SCAPER: variants seen among roughly 807,000 people sequenced by gnomAD.
The protein encoded by SCAPER is S phase cyclin A-associated protein in the endoplasmic reticulum.
Under a neutral mutation model 182.2 loss-of-function variants are expected in SCAPER, and 98 were observed. That is an observed-to-expected ratio of 0.54 (90% CI 0.46 to 0.64). SCAPER has a LOEUF of 0.64. SCAPER is among the 30% of genes least tolerant of loss of function. The probability of loss-of-function intolerance (pLI) is 0.00; values close to 1 mark genes in which losing one functional copy is unlikely to be tolerated. For synonymous variants in SCAPER, 605 were observed against 564.6 expected (o/e 1.07, Z -1.01); for missense variants, 1,432 against 1,690.0 (o/e 0.85, Z 2.68).
At chr15:76,662,017 T>C (rs2056218414) in intron 21 of SCAPER, among the ~76,000 whole-genome samples, 1 of 152,168 alleles carries the variant, frequency 6.6e-6, no homozygotes, top group Non-Finnish European at 1.5e-5. Context: ...AGGAATGAGA[T>C]CAGGTCCTTT....
intron 21 of SCAPER, among the ~76,000 whole-genome samples, chr15:76,627,910 T>A (rs1159217069): frequency 1.3e-5 from 2 of 152,320 alleles, no homozygotes; most frequent in East Asian, 3.9e-4. Flanking sequence ...CCACCAACAG[T>A]GTAAAAGCAC....
rs1405891780 is a variant in SCAPER at position 76,800,241 on chromosome 15, A to T, written c.611+7T>A. The stretch of plus-strand genomic sequence containing the variant: ...AGTCTTAGTAGTTTTTTCTTAGTTC[A>T]TCTCACCCAAAATTTAAGCTTCGTC... On this transcript the variant is annotated splice_region_variant and intron_variant, in intron 7 of 31. Coordinates refer to ENST00000563290, the MANE Select transcript of SCAPER (RefSeq NM_020843.4). The T allele has an allele frequency of 6.5e-7, 1 of 1,545,328 alleles. No individual in the cohort carries two copies. Among genetic ancestry groups the T allele is most frequent in the Admixed American group, 1.7e-5 (1 of 58,590 alleles).
intron 15 of SCAPER, among the ~76,000 whole-genome samples, chr15:76,749,556 T>C (rs1200962945): frequency 6.6e-6 from 1 of 151,936 alleles, no homozygotes; most frequent in Non-Finnish European, 1.5e-5. Flanking sequence ...ATAGACCTAA[T>C]AAGTGAGTTT....
chr15:76,705,590 T>TA (rs983987153), intron 18 of SCAPER, among the ~76,000 whole-genome samples: 81 of 148,790 alleles, frequency 5.4e-4, no homozygotes, highest in South Asian at 1.5e-3. Flanking sequence ...TTAGGATGGT[T>TA]AAAAAAAAAC....
rs370242179 is a variant in SCAPER at position 76,689,858 on chromosome 15, C to T, written c.2508+11900G>A. On this transcript the variant is annotated intron_variant, in intron 20 of 31. Coordinates refer to ENST00000563290, the MANE Select transcript of SCAPER (RefSeq NM_020843.4). Reference sequence around the variant, plus strand: ...AAGACACAAAAACTAACTGAAAGAGCTCCTAATCACCAAAGCTGGAACAGT... The same window carrying T: ...AAGACACAAAAACTAACTGAAAGAGTTCCTAATCACCAAAGCTGGAACAGT... Among the ~76,000 whole-genome samples the T allele has an allele frequency of 2.4e-3, 363 of 151,616 alleles. 2 individuals are homozygous for T. Among genetic ancestry groups the T allele is most frequent in the African/African-American group, 8.4e-3 (345 of 41,314 alleles).
intron 22 of SCAPER, among the ~76,000 whole-genome samples, chr15:76,578,902 T>C (rs2145458504): frequency 6.6e-6 from 1 of 152,306 alleles, no homozygotes; most frequent in South Asian, 2.1e-4. Context: ...AGTGACTCTT[T>C]CAGGCAGAGA....
At chr15:76,410,389 C>T (rs915396336) in intron 26 of SCAPER, among the ~76,000 whole-genome samples, 2 of 152,134 alleles carry the variant, frequency 1.3e-5, no homozygotes, top group African/African-American at 2.4e-5. Context: ...TTCTACATTA[C>T]TATGATTAAT....
intron 1 of SCAPER, among the ~76,000 whole-genome samples, chr15:76,899,662 C>T (rs1439485521): frequency 2.0e-5 from 3 of 151,990 alleles, no homozygotes; most frequent in African/African-American, 4.8e-5. Context: ...CTGGCCGCCC[C>T]GTCTGGAAAG....
At position 76,800,234 on chromosome 15, in the gene SCAPER, T is replaced by C. The variant is rs1877050248; in HGVS notation, c.611+14A>G. Reference sequence around the variant, plus strand: ...TAATGCAAGTCTTAGTAGTTTTTTCTTAGTTCATCTCACCCAAAATTTAAG... The same window carrying C: ...TAATGCAAGTCTTAGTAGTTTTTTCCTAGTTCATCTCACCCAAAATTTAAG... On this transcript the variant is annotated intron_variant, in intron 7 of 31. Transcript: ENST00000563290. The C allele has an allele frequency of 1.4e-6, 2 of 1,443,286 alleles. No individual in the cohort carries two copies. Among genetic ancestry groups the C allele is most frequent in the Non-Finnish European group, 1.9e-6 (2 of 1,029,554 alleles). 89.4% of individuals were successfully genotyped at this position (1,443,286 alleles called of 1,614,324 possible).
chr15:76,557,580 G>A (rs1476466571), intron 23 of SCAPER, among the ~76,000 whole-genome samples: 1 of 152,010 alleles, frequency 6.6e-6, no homozygotes, highest in East Asian at 1.9e-4. Context: ...TCTCTCTCTC[G>A]GCTCCTGCTT....
At chr15:76,548,086 T>C (rs992610358) in intron 23 of SCAPER, among the ~76,000 whole-genome samples, 1 of 142,402 alleles carries the variant, frequency 7.0e-6, no homozygotes, top group African/African-American at 2.6e-5. Context: ...ATTTTATTCA[T>C]AAAATCTTAT....
intron 17 of SCAPER, among the ~76,000 whole-genome samples, chr15:76,713,952 A>G (rs62028181): frequency 0.073 from 11,068 of 152,254 alleles, 575 homozygotes; most frequent in Non-Finnish European, 0.11. Flanking sequence ...TATCAGCTTT[A>G]TCTGTAATAG....
At position 76,642,353 on chromosome 15, in the gene SCAPER, A is replaced by C. The variant is rs577802126; in HGVS notation, c.2646-20524T>G. On this transcript the variant is annotated intron_variant, in intron 21 of 31. Coordinates refer to ENST00000563290, the MANE Select transcript of SCAPER (RefSeq NM_020843.4). ...ATACTTCAAGGCAGCTACATTACAC[A>C]TAATATTTAGCAACTGGGAAGGATT... Among the ~76,000 whole-genome samples, 4 of 152,330 alleles carry C rather than the reference A, an allele frequency of 2.6e-5. No homozygotes were observed. In the East Asian group the frequency reaches 7.7e-4, roughly 29 times the overall value.
intron 4 of SCAPER, among the ~76,000 whole-genome samples, chr15:76,853,067 G>A (rs764832641): frequency 2.6e-5 from 4 of 151,996 alleles, no homozygotes; most frequent in Non-Finnish European, 4.4e-5. Flanking sequence ...CATACAAACT[G>A]GAAAACCTAG....
At chr15:76,410,299 C>T (rs535223843) in intron 26 of SCAPER, among the ~76,000 whole-genome samples, 1 of 152,282 alleles carries the variant, frequency 6.6e-6, no homozygotes, top group Non-Finnish European at 1.5e-5. Context: ...TGTAATCATG[C>T]ATTCATCCAC....
chr15:76,686,236 A>AAAGGGG (rs2058033064), intron 20 of SCAPER, among the ~76,000 whole-genome samples: 2 of 152,030 alleles, frequency 1.3e-5, no homozygotes. Flanking sequence ...ACCCAATAGA[A>AAAGGGG]CTCAACAGAA....
At chr15:76,514,336 G>T (rs2042262552) in intron 23 of SCAPER, among the ~76,000 whole-genome samples, 1 of 152,150 alleles carries the variant, frequency 6.6e-6, no homozygotes, top group East Asian at 1.9e-4. Context: ...CTGACTAATA[G>T]GATTAGTGGC....
Position 76,765,586 on chromosome 15 carries a change from T to G in SCAPER, c.1472A>C (p.Asn491Thr), listed in dbSNP as rs2063062433. The G allele has an allele frequency of 6.3e-7, 1 of 1,592,454 alleles. No individual in the cohort carries two copies. The highest frequency in any genetic ancestry group is 8.6e-7 in the Non-Finnish European group (1 of 1,168,398). The part of the protein sequence containing the change: ...VSFCGMSMDW[N>T]DVLADYEARE... ...ACCTTCATAATCTGCAAGGACATCG[T>G]TCCAGTCCATGGACATACCACAGAA... Residue 491 changes from asparagine (N) to threonine (T), a missense_variant, in exon 12 of 32, where the codon AAC becomes ACC. Transcript: ENST00000563290.
intron 24 of SCAPER, among the ~76,000 whole-genome samples, chr15:76,478,930 AT>A (rs1052795054): frequency 2.0e-5 from 3 of 151,972 alleles, no homozygotes; most frequent in Admixed American, 6.6e-5. Flanking sequence ...TTTATTTTTA[AT>A]TTTTTTGTTT....
Sources: allele counts gnomAD v4.1 joint callset (sites outside exome capture counted in the v4.1 genomes callset), GRCh38; gene constraint gnomAD v4.1.1; transcripts MANE v1.5; gene names NCBI Gene and HGNC (gene_info 2026-07-23, HGNC 2026-07-21).